RXFP1: variants seen among roughly 807,000 people sequenced by gnomAD.
The protein encoded by RXFP1 is relaxin receptor 1.
RXFP1 carries 73 observed loss-of-function variants against 89.8 expected under a neutral mutation model. The ratio of observed to expected loss-of-function variants is 0.81; its 90% CI spans 0.67 to 0.99. The LOEUF (loss-of-function observed/expected upper bound fraction) is 0.99. RXFP1 is among the 50% of genes least tolerant of loss of function. The pLI, the probability that RXFP1 is intolerant of heterozygous loss-of-function variation, is 0.00. For synonymous variants in RXFP1, 277 were observed against 305.5 expected (o/e 0.91, Z 0.97); for missense variants, 793 against 895.5 (o/e 0.89, Z 1.46).
At chr4:158,614,812 G>A (rs1764236500) in intron 8 of RXFP1, among the ~76,000 whole-genome samples, 1 of 152,046 alleles carries the variant, frequency 6.6e-6, no homozygotes, top group Non-Finnish European at 1.5e-5. Context: ...CATGAGGCCT[G>A]GTTTTTTGAC....
In RXFP1 at chr4:158,652,034, G is replaced by A. The variant is rs201653530; in HGVS notation, c.2253G>A (p.Thr751=). The change falls in exon 18 of 18, where the codon ACG becomes ACA. Residue 751 remains threonine (T), a synonymous_variant. Coordinates refer to ENST00000307765, the MANE Select transcript of RXFP1 (RefSeq NM_021634.4). ...AAATGTCACTGATTTCTCAATCAAC[G>A]AGACTCAATTCCTATTCATGACTGA... ...PCEMSLISQS[T]RLNSYS 25 of 1,612,466 alleles carry A rather than the reference G, an allele frequency of 1.6e-5. No homozygotes were observed. Among genetic ancestry groups the A allele is most frequent in the East Asian group, 1.3e-4 (6 of 44,852 alleles).
At chr4:158,607,874 A>T (rs1484588739) in intron 5 of RXFP1, 98 bp from the exon 6 acceptor site, 2 of 739,358 alleles carry the variant, frequency 2.7e-6, no homozygotes, top group African/African-American at 1.8e-5. Flanking sequence ...TCATATTGCT[A>T]TGCTACCATC....
intron 4 of RXFP1, among the ~76,000 whole-genome samples, chr4:158,601,609 T>C (rs1300485380): frequency 6.6e-5 from 10 of 152,232 alleles, no homozygotes; most frequent in Admixed American, 6.5e-4. Flanking sequence ...TCCCAGTCTG[T>C]TCAGTTCCAT....
At chr4:158,574,379 A>G (rs1225928104) in intron 2 of RXFP1, among the ~76,000 whole-genome samples, 2 of 152,182 alleles carry the variant, frequency 1.3e-5, no homozygotes, top group Admixed American at 1.3e-4. Context: ...CCTGGCTTGA[A>G]AATCCTCCTA....
At chr4:158,590,059 A>T (rs899578614) in intron 2 of RXFP1, among the ~76,000 whole-genome samples, 16 of 152,100 alleles carry the variant, frequency 1.1e-4, no homozygotes, top group Admixed American at 2.0e-4. Context: ...CTCAAAAAAA[A>T]ATTTTTTTAA....
intron 1 of RXFP1, among the ~76,000 whole-genome samples, chr4:158,567,897 T>C (rs908179286): frequency 6.6e-6 from 1 of 152,222 alleles, no homozygotes. Flanking sequence ...TCGGGTCTCC[T>C]TCCAGCTTGT....
intron 2 of RXFP1, among the ~76,000 whole-genome samples, chr4:158,576,061 AC>A (rs1756126578): frequency 6.6e-6 from 1 of 151,920 alleles, no homozygotes; most frequent in African/African-American, 2.4e-5. Flanking sequence ...AACGTTTGAA[AC>A]CTCTCAAGTC....
rs142535054 is a variant in RXFP1, at chr4:158,639,371, A to G, written c.1115+40A>G. 228 of 1,098,252 alleles carry G rather than the reference A, an allele frequency of 2.1e-4. No individual in the cohort carries two copies. In the African/African-American group the frequency reaches 3.2e-3, roughly 15 times the overall value. The allele number at this position is 1,098,252 out of a possible 1,614,324, so 68.0% of individuals were successfully genotyped here. ...TATTGTTTTTCACTGTGATGTTAAT[A>G]TTTGTTTCCATGTGTATTATGATAA... On this transcript the variant is annotated intron_variant, in intron 14 of 17. Transcript: ENST00000307765.
intron 17 of RXFP1, among the ~76,000 whole-genome samples, 193 bp from the exon 18 acceptor site, chr4:158,651,564 G>A (rs768866756): frequency 5.9e-5 from 9 of 152,076 alleles, no homozygotes; most frequent in African/African-American, 9.7e-5. Flanking sequence ...TTCAGCACTA[G>A]CATTCCCCTC....
intron 11 of RXFP1, among the ~76,000 whole-genome samples, chr4:158,629,651 G>C (rs142711816): frequency 7.0e-4 from 106 of 151,816 alleles, no homozygotes; most frequent in African/African-American, 2.5e-3. Flanking sequence ...TCTAGTACCA[G>C]GGTGTCACTC....
intron 1 of RXFP1, among the ~76,000 whole-genome samples, chr4:158,548,859 C>G (rs1057010318): frequency 9.9e-5 from 15 of 152,126 alleles, no homozygotes; most frequent in African/African-American, 3.6e-4. Context: ...GGTAACCCGA[C>G]CTTTCTCTCT....
At chr4:158,618,209 A>G (rs1764962904) in intron 9 of RXFP1, among the ~76,000 whole-genome samples, 1 of 152,120 alleles carries the variant, frequency 6.6e-6, no homozygotes, top group Non-Finnish European at 1.5e-5. Flanking sequence ...GTTCAAATGA[A>G]TACATTAGCA....
In RXFP1 at chr4:158,652,807, A is replaced by C. The variant is rs1772968649; in HGVS notation, c.*752A>C. The C allele has an allele frequency of 1.3e-5, 2 of 152,356 alleles. No homozygotes were observed. Among genetic ancestry groups the C allele is most frequent in the Middle Eastern group, 3.4e-3 (1 of 294 alleles). The allele number at this position is 152,356 out of a possible 1,614,324, so 9.4% of individuals were successfully genotyped here. Reference sequence around the variant, plus strand: ...GTGGATCAGAAAAACTAGAATGAGGATAAACATTTACATTAGTGGAAACTC... The same window carrying C: ...GTGGATCAGAAAAACTAGAATGAGGCTAAACATTTACATTAGTGGAAACTC... On this transcript the variant is annotated 3_prime_UTR_variant, in exon 18 of 18. Coordinates refer to ENST00000307765, the MANE Select transcript of RXFP1 (RefSeq NM_021634.4).
Position 158,628,653 on chromosome 4 carries a change from C to A in RXFP1, c.843C>A (p.Asn281Lys). 1 of 1,560,208 alleles carries A rather than the reference C, an allele frequency of 6.4e-7. No homozygotes were observed. The highest frequency in any genetic ancestry group is 8.8e-7 in the Non-Finnish European group (1 of 1,135,892). ...SNLTVLVMRK[N>K]KINHLNENTF... is the part of the protein sequence containing the mutation. Reference sequence around the variant, plus strand: ...TTACTTTCAGAGTGATGAGGAAAAACAAAATTAATCACTTAAATGAAAATA... The same window carrying A: ...TTACTTTCAGAGTGATGAGGAAAAAAAAAATTAATCACTTAAATGAAAATA... The change falls in exon 11 of 18, where the codon AAC becomes AAA. Residue 281 changes from asparagine to lysine, a missense_variant. Asn to Lys is a moderately conservative substitution (Grantham distance 94). Transcript: ENST00000307765.
chr4:158,536,884 T>A (rs919726985), intron 1 of RXFP1, among the ~76,000 whole-genome samples: 3 of 151,974 alleles, frequency 2.0e-5, no homozygotes, highest in Non-Finnish European at 4.4e-5. Context: ...CACTTTGGAG[T>A]TGCAATATTG....
At chr4:158,605,291 G>T (rs1446982979) in intron 5 of RXFP1, 152 bp downstream of exon 5, 2 of 456,314 alleles carry the variant, frequency 4.4e-6, no homozygotes, top group African/African-American at 4.0e-5. Flanking sequence ...AGACTTCCAG[G>T]TAACACTTAT....
intron 9 of RXFP1, among the ~76,000 whole-genome samples, chr4:158,622,377 C>T (rs1561147573): frequency 1.3e-5 from 2 of 152,284 alleles, no homozygotes; most frequent in Non-Finnish European, 2.9e-5. Flanking sequence ...GGGTATATAT[C>T]CAAAGGAAAT....
rs867283488 is a variant in RXFP1 at position 158,554,193 on chromosome 4, A to G, written c.50-18505A>G. ...CCTTGTTACAAAATATCTAGAGAAA[A>G]CTAATATTACAATTCAATGATTTTT... On this transcript the variant is annotated intron_variant, in intron 1 of 17. Transcript: ENST00000307765. Among the ~76,000 whole-genome samples the G allele has an allele frequency of 3.5e-4, 53 of 152,304 alleles. No homozygotes were observed. In the Middle Eastern group the frequency reaches 0.01, roughly 29 times the overall value.
At chr4:158,633,802 A>G (rs1768582664) in intron 12 of RXFP1, among the ~76,000 whole-genome samples, 1 of 152,182 alleles carries the variant, frequency 6.6e-6, no homozygotes, top group South Asian at 2.1e-4. Flanking sequence ...TTTTTGTGAC[A>G]GGCCTATTCT....
Sources: gnomAD v4.1 joint callset for allele counts (sites outside exome capture counted in the v4.1 genomes callset) on GRCh38, gnomAD v4.1.1 for gene constraint, MANE v1.5 for transcripts, NCBI Gene and HGNC (gene_info 2026-07-23, HGNC 2026-07-21) for gene names.